SPHKAP: variants seen among roughly 807,000 people sequenced by gnomAD.
The protein encoded by SPHKAP is A-kinase anchor protein SPHKAP.
Under a neutral mutation model 137.5 loss-of-function variants are expected in SPHKAP, and 67 were observed. That is an observed-to-expected ratio of 0.49 (90% CI 0.40 to 0.60). SPHKAP has a LOEUF of 0.60. SPHKAP is among the 20% of genes least tolerant of loss of function. The pLI, the probability that SPHKAP is intolerant of heterozygous loss-of-function variation, is 0.00. For missense variants in SPHKAP, 2,097 were observed against 2,069.3 expected (o/e 1.01, Z -0.26); for synonymous variants, 813 against 785.3 (o/e 1.04, Z -0.59).
intron 3 of SPHKAP, among the ~76,000 whole-genome samples, chr2:228,043,149 A>G (rs1695914277): frequency 6.6e-6 from 1 of 152,236 alleles, no homozygotes; most frequent in Non-Finnish European, 1.5e-5. Flanking sequence ...TGCAGACAAC[A>G]GATCCTTTAT....
chr2:228,114,320 A>G (rs1698636041), intron 2 of SPHKAP, among the ~76,000 whole-genome samples: 1 of 152,150 alleles, frequency 6.6e-6, no homozygotes, highest in Non-Finnish European at 1.5e-5. Flanking sequence ...GAAGAAATTT[A>G]GTATTGATTA....
intron 5 of SPHKAP, among the ~76,000 whole-genome samples, chr2:228,023,120 C>A (rs926161150): frequency 6.6e-6 from 1 of 152,146 alleles, no homozygotes; most frequent in African/African-American, 2.4e-5. Context: ...CACATTGTCA[C>A]TATTCATATT....
intron 3 of SPHKAP, among the ~76,000 whole-genome samples, chr2:228,030,543 C>CAAAAAAAAAAAAAAAAAA (rs1553615001): frequency 2.5e-5 from 2 of 78,722 alleles, no homozygotes; most frequent in East Asian, 4.1e-4. Flanking sequence ...CAACAAAAAA[C>CAAAAAAAAAAAAAAAAAA]AAAAAAAAAA....
chr2:228,037,508 A>G (rs1268522045), intron 3 of SPHKAP, among the ~76,000 whole-genome samples: 1 of 152,188 alleles, frequency 6.6e-6, no homozygotes, highest in Non-Finnish European at 1.5e-5. Context: ...TGGTAGAAGC[A>G]TTCCTGGAAG....
chr2:228,161,375 G>A (rs1347192265), intron 1 of SPHKAP, among the ~76,000 whole-genome samples: 1 of 152,184 alleles, frequency 6.6e-6, no homozygotes, highest in Non-Finnish European at 1.5e-5. Flanking sequence ...GCCCAATCTA[G>A]AAACAATGAT....
intron 7 of SPHKAP, chr2:227,996,104 C>T (rs1489673327): frequency 1.5e-5 from 15 of 984,208 alleles, no homozygotes; most frequent in African/African-American, 1.7e-5. Flanking sequence ...CTGGTTGATT[C>T]TAATGCAAGA....
At chr2:228,094,786 T>G (rs1198536923) in intron 3 of SPHKAP, among the ~76,000 whole-genome samples, 2 of 152,170 alleles carry the variant, frequency 1.3e-5, no homozygotes, top group Non-Finnish European at 2.9e-5. Context: ...GAACTAGGAA[T>G]GCAGTTACTC....
chr2:228,106,606 G>C (rs1276707799), intron 3 of SPHKAP, among the ~76,000 whole-genome samples: 1 of 152,108 alleles, frequency 6.6e-6, no homozygotes, highest in African/African-American at 2.4e-5. Context: ...GTGGAGAACT[G>C]GTTTTGAAAA....
In SPHKAP at chr2:228,032,894, G is replaced by A. The variant is rs991523062; in HGVS notation, c.247-5351C>T. ...TGAAGGAAGCACTAAACATGGAAAG[G>A]AACAACCGGTACCTGCCACTCCAAA... is the stretch of plus-strand genomic sequence containing the variant. On this transcript the variant is annotated intron_variant, in intron 3 of 11. Transcript: ENST00000392056. 3.3e-5 allele frequency among the ~76,000 whole-genome samples: 5 copies of A among 151,778 alleles called. 1 individual carries two copies. The highest frequency in any genetic ancestry group is 9.7e-5 in the African/African-American group (4 of 41,314).
At chr2:228,113,730 C>T (rs1434693970) in intron 2 of SPHKAP, among the ~76,000 whole-genome samples, 5 of 151,078 alleles carry the variant, frequency 3.3e-5, no homozygotes, top group African/African-American at 4.9e-5. Context: ...TAGCTCCCAG[C>T]CTCCCTTTGC....
At chr2:228,167,012 A>G (rs1362727869) in intron 1 of SPHKAP, among the ~76,000 whole-genome samples, 1 of 152,112 alleles carries the variant, frequency 6.6e-6, no homozygotes, top group African/African-American at 2.4e-5. Flanking sequence ...AGAACTCACT[A>G]TCACGAGGAC....
intron 1 of SPHKAP, among the ~76,000 whole-genome samples, chr2:228,168,524 G>A (rs1218611733): frequency 6.6e-6 from 1 of 152,052 alleles, no homozygotes; most frequent in African/African-American, 2.4e-5. Flanking sequence ...TGTTACTATT[G>A]TGATTATTTT....
rs746815958 is a variant in SPHKAP at position 228,021,900 on chromosome 2, A to G, written c.508T>C (p.Cys170Arg). The change falls in exon 6 of 12, where the codon TGC becomes CGC. Residue 170 changes from cysteine (C) to arginine (R), a missense_variant. Physicochemically the swap from Cys to Arg is radical, Grantham distance 180. Transcript: ENST00000392056. ...AATTTGTTGATTTCAAAGATGATGC[A>G]GTTGGTACTGTTTGGTCTGTTCCCT... ...ARGNRPNSTN[C>R]IIFEINKFLI... 61 of 1,614,036 alleles carry G rather than the reference A, an allele frequency of 3.8e-5. No homozygotes were observed. The highest frequency in any genetic ancestry group is 5.0e-5 in the Non-Finnish European group (59 of 1,179,996).
intron 3 of SPHKAP, among the ~76,000 whole-genome samples, chr2:228,089,533 T>C (rs908523596): frequency 4.6e-5 from 7 of 151,878 alleles, no homozygotes; most frequent in Admixed American, 1.3e-4. Context: ...GCTAAAGAGA[T>C]TAGCATGACA....
intron 7 of SPHKAP, among the ~76,000 whole-genome samples, chr2:228,007,399 A>G (rs1471456287): frequency 1.3e-5 from 2 of 152,136 alleles, no homozygotes; most frequent in South Asian, 2.1e-4. Context: ...TTTCTGTGCA[A>G]TAGAGCACCA....
intron 1 of SPHKAP, among the ~76,000 whole-genome samples, chr2:228,175,808 AT>A (rs939030668): frequency 1.4e-4 from 21 of 152,282 alleles, no homozygotes; most frequent in African/African-American, 4.8e-4. Flanking sequence ...AGATAGATAG[AT>A]TTTTTTAAAA....
At chr2:227,981,894 C>A in intron 11 of SPHKAP, 34 bp from the exon 12 acceptor site, 1 of 1,591,816 alleles carries the variant, frequency 6.3e-7, no homozygotes, top group Non-Finnish European at 8.5e-7. Context: ...GCTCACAGAG[C>A]ACAGAGGGTC....
chr2:228,031,636 C>A (rs928422890), intron 3 of SPHKAP, among the ~76,000 whole-genome samples: 2 of 152,214 alleles, frequency 1.3e-5, no homozygotes, highest in Non-Finnish European at 2.9e-5. Context: ...CAGACTGACA[C>A]CTCACACGGC....
At chr2:228,170,509 C>T (rs112365183) in intron 1 of SPHKAP, among the ~76,000 whole-genome samples, 185 of 152,154 alleles carry the variant, frequency 1.2e-3, no homozygotes, top group African/African-American at 4.1e-3. Context: ...TGCACAGCCA[C>T]CCCAATATTC....
Sources: allele counts gnomAD v4.1 joint callset (sites outside exome capture counted in the v4.1 genomes callset), GRCh38; gene constraint gnomAD v4.1.1; transcripts MANE v1.5; gene names NCBI Gene and HGNC (gene_info 2026-07-23, HGNC 2026-07-21).